The following XKR4 variants were observed in gnomAD, a reference collection of about 807,000 sequenced individuals.
The protein encoded by XKR4 is XK related 4.
XKR4 carries 12 observed loss-of-function variants against 53.9 expected under a neutral mutation model. That is an observed-to-expected ratio of 0.22 (90% CI 0.14 to 0.36). The LOEUF (loss-of-function observed/expected upper bound fraction) is 0.36. Ranked by LOEUF, XKR4 falls within the 10% of genes least tolerant of loss-of-function variation. The pLI is 1.00. For missense variants in XKR4, 799 were observed against 859.5 expected (o/e 0.93, Z 0.88); for synonymous variants, 354 against 362.4 (o/e 0.98, Z 0.26).
intron 1 of XKR4, among the ~76,000 whole-genome samples, chr8:55,277,933 A>G (rs1196694001): frequency 6.6e-6 from 1 of 152,252 alleles, no homozygotes; most frequent in East Asian, 1.9e-4. Context: ...TATTGCTTAT[A>G]TAGGTCTGAA....
intron 2 of XKR4, among the ~76,000 whole-genome samples, chr8:55,502,220 GCTGA>G (rs1322822917): frequency 6.6e-6 from 1 of 152,056 alleles, no homozygotes. Flanking sequence ...GGCAAAGAGG[GCTGA>G]CTATGTATCC....
intron 2 of XKR4, chr8:55,452,505 C>T: frequency 3.1e-6 from 2 of 646,250 alleles, no homozygotes; most frequent in South Asian, 3.4e-5. Flanking sequence ...ATCCAGCACA[C>T]ACTCCTCACC....
intron 2 of XKR4, among the ~76,000 whole-genome samples, chr8:55,505,099 A>G (rs1806505843): frequency 6.6e-6 from 1 of 151,578 alleles, no homozygotes; most frequent in Non-Finnish European, 1.5e-5. Context: ...CTTTGTGTTT[A>G]GTTTGTTCTA....
chr8:55,372,925 G>A (rs1427431524), intron 2 of XKR4, among the ~76,000 whole-genome samples: 1 of 152,164 alleles, frequency 6.6e-6, no homozygotes, highest in African/African-American at 2.4e-5. Context: ...AGATGCAAGG[G>A]GGTTGGGAAG....
intron 1 of XKR4, among the ~76,000 whole-genome samples, chr8:55,198,725 A>C (rs143705507): frequency 2.8e-4 from 43 of 152,308 alleles, no homozygotes; most frequent in African/African-American, 1.0e-3. Context: ...AATAAATAAC[A>C]ATCATTACAA....
intron 2 of XKR4, chr8:55,451,505 C>T (rs1246503113): frequency 5.7e-6 from 6 of 1,052,244 alleles, no homozygotes; most frequent in Middle Eastern, 2.6e-4. Context: ...GGAGAAGGTG[C>T]GTTCTGGGCC....
At chr8:55,493,698 G>A (rs888585345) in intron 2 of XKR4, among the ~76,000 whole-genome samples, 1 of 152,174 alleles carries the variant, frequency 6.6e-6, no homozygotes, top group Non-Finnish European at 1.5e-5. Flanking sequence ...TATTTAATAA[G>A]CAGTGGCATG....
At chr8:55,167,995 A>G (rs1455839764) in intron 1 of XKR4, among the ~76,000 whole-genome samples, 2 of 152,216 alleles carry the variant, frequency 1.3e-5, no homozygotes, top group Non-Finnish European at 2.9e-5. Context: ...TAAATTGGTC[A>G]TTTCATTATG....
intron 2 of XKR4, among the ~76,000 whole-genome samples, chr8:55,478,036 A>T (rs1806028428): frequency 6.6e-6 from 1 of 152,118 alleles, no homozygotes; most frequent in South Asian, 2.1e-4. Flanking sequence ...CAACATTCAG[A>T]TTCAGAAAAT....
At chr8:55,416,271 C>T (rs1214413940) in intron 2 of XKR4, among the ~76,000 whole-genome samples, 4 of 152,174 alleles carry the variant, frequency 2.6e-5, no homozygotes, top group South Asian at 2.1e-4. Flanking sequence ...ACTTGGGAAA[C>T]GTAAGACTGG....
chr8:55,114,817 A>G (rs1410964898), intron 1 of XKR4, among the ~76,000 whole-genome samples: 2 of 152,226 alleles, frequency 1.3e-5, no homozygotes, highest in African/African-American at 4.8e-5. Context: ...TCAGTTGCTG[A>G]GAATAAAATG....
chr8:55,180,226 T>C (rs1248001478), intron 1 of XKR4, among the ~76,000 whole-genome samples: 1 of 152,224 alleles, frequency 6.6e-6, no homozygotes, highest in Non-Finnish European at 1.5e-5. Flanking sequence ...TGACCATTAA[T>C]CAGTCAGGGA....
intron 2 of XKR4, among the ~76,000 whole-genome samples, chr8:55,434,268 G>A (rs533157368): frequency 1.3e-5 from 2 of 152,132 alleles, no homozygotes; most frequent in South Asian, 2.1e-4. Flanking sequence ...AGCTACGAAG[G>A]GAGTCTTTGT....
intron 2 of XKR4, among the ~76,000 whole-genome samples, chr8:55,442,225 T>A (rs917400671): frequency 1.3e-5 from 2 of 152,186 alleles, no homozygotes; most frequent in Non-Finnish European, 2.9e-5. Context: ...CTTGGTTGAA[T>A]TGGACAAAGT....
chr8:55,491,224 T>C (rs1255844554), intron 2 of XKR4, among the ~76,000 whole-genome samples: 1 of 152,238 alleles, frequency 6.6e-6, no homozygotes, highest in Non-Finnish European at 1.5e-5. Flanking sequence ...TGTTTTCTTC[T>C]ACATTCATGA....
At chr8:55,176,322 G>A (rs1370803101) in intron 1 of XKR4, among the ~76,000 whole-genome samples, 1 of 152,184 alleles carries the variant, frequency 6.6e-6, no homozygotes, top group African/African-American at 2.4e-5. Context: ...AGTTCACTGT[G>A]GGGTTCGCTC....
intron 2 of XKR4, among the ~76,000 whole-genome samples, chr8:55,376,875 CCTCT>C (rs144607620): frequency 2.0e-5 from 3 of 148,036 alleles, no homozygotes; most frequent in African/African-American, 2.5e-5. Context: ...CATCTCTCAC[CCTCT>C]CTCTCTCTCT....
rs574252515 is a variant in XKR4 at position 55,161,536 on chromosome 8, C to G, written c.806+58242C>G. 7 of 456,218 alleles carry G rather than the reference C, an allele frequency of 1.5e-5. No homozygotes were observed. In the East Asian group the frequency reaches 4.2e-4, roughly 27 times the overall value. 28.3% of individuals were successfully genotyped at this position (456,218 alleles called of 1,614,324 possible). ...AGAAAAGGGCAGGATGAGCAGCGCT[C>G]AAAACCTCCCACTACTGCTGCTGTC... On this transcript the variant is annotated intron_variant, in intron 1 of 2. Coordinates refer to ENST00000327381, the MANE Select transcript of XKR4 (RefSeq NM_052898.2).
chr8:55,475,437 G>C (rs1486117915), intron 2 of XKR4, among the ~76,000 whole-genome samples: 2 of 151,794 alleles, frequency 1.3e-5, no homozygotes, highest in Admixed American at 1.3e-4. Flanking sequence ...GGGGTGATGG[G>C]GGAAGGTCTT....
Sources: allele counts gnomAD v4.1 joint callset (sites outside exome capture counted in the v4.1 genomes callset), GRCh38; gene constraint gnomAD v4.1.1; transcripts MANE v1.5; gene names NCBI Gene and HGNC (gene_info 2026-07-23, HGNC 2026-07-21).